GRID2: variants seen among roughly 807,000 people sequenced by gnomAD.
GRID2 encodes the protein glutamate receptor ionotropic, delta-2.
A neutral mutation model predicts 114.8 loss-of-function variants in GRID2; 33 were observed. The ratio of observed to expected loss-of-function variants is 0.29; its 90% confidence interval spans 0.22 to 0.38. GRID2 has a LOEUF of 0.38. Among genes scored for constraint, GRID2 ranks in the 10% least tolerant of loss-of-function variants. GRID2 has a pLI of 1.00. For synonymous variants in GRID2, 505 were observed against 449.9 expected (o/e 1.12, Z -1.55); for missense variants, 1,184 against 1,257.7 (o/e 0.94, Z 0.89).
At position 93,044,521 on chromosome 4, in the gene GRID2, T is replaced by G. The variant is rs574039742; in HGVS notation, c.245-40474T>G. ...ATTTATAAGGAATAAATGTTCAAAT[T>G]GATCTGCAGTAAAGTTAAAGTGATA... On this transcript the variant is annotated intron_variant, in intron 2 of 15. Coordinates refer to ENST00000282020, the MANE Select transcript of GRID2 (RefSeq NM_001510.4). Among the ~76,000 whole-genome samples, 3 of 152,258 alleles carry G rather than the reference T, an allele frequency of 2.0e-5. No individual in the cohort carries two copies. The South Asian group carries it at 6.2e-4, about 32-fold the overall frequency.
intron 1 of GRID2, among the ~76,000 whole-genome samples, chr4:92,479,528 A>G (rs768258075): frequency 6.6e-6 from 1 of 152,152 alleles, no homozygotes; most frequent in Non-Finnish European, 1.5e-5. Flanking sequence ...GCACTTACAT[A>G]TTATTAGATT....
intron 1 of GRID2, among the ~76,000 whole-genome samples, chr4:92,453,829 A>C (rs1721072602): frequency 6.6e-6 from 1 of 152,178 alleles, no homozygotes; most frequent in Admixed American, 6.5e-5. Flanking sequence ...TTTTAAATAT[A>C]ATGTATAACT....
chr4:93,315,113 T>C (rs1756448394), intron 8 of GRID2, among the ~76,000 whole-genome samples: 1 of 152,050 alleles, frequency 6.6e-6, no homozygotes, highest in African/African-American at 2.4e-5. Flanking sequence ...AGAGAGAGCA[T>C]GTAAGTATGC....
intron 2 of GRID2, among the ~76,000 whole-genome samples, chr4:92,858,152 C>T (rs919128969): frequency 6.6e-6 from 1 of 152,174 alleles, no homozygotes; most frequent in African/African-American, 2.4e-5. Context: ...TATGAGGAGA[C>T]TTATGTTGTC....
chr4:93,680,088 A>G (rs1725358053), intron 14 of GRID2, among the ~76,000 whole-genome samples: 2 of 151,408 alleles, frequency 1.3e-5, no homozygotes, highest in Admixed American at 1.3e-4. Context: ...AAAAATGATA[A>G]AGGGGATATC....
At chr4:92,780,592 C>CT (rs1369844775) in intron 2 of GRID2, among the ~76,000 whole-genome samples, 1 of 151,960 alleles carries the variant, frequency 6.6e-6, no homozygotes, top group African/African-American at 2.4e-5. Context: ...GGCAAGGATC[C>CT]TTTTATGCCT....
chr4:93,421,431 A>G (rs1210806515), intron 9 of GRID2, among the ~76,000 whole-genome samples: 1 of 152,210 alleles, frequency 6.6e-6, no homozygotes, highest in Non-Finnish European at 1.5e-5. Flanking sequence ...CTCTAAGATA[A>G]CATATAAACA....
intron 14 of GRID2, among the ~76,000 whole-genome samples, chr4:93,707,933 T>A (rs1728151603): frequency 6.6e-6 from 1 of 152,014 alleles, no homozygotes; most frequent in Non-Finnish European, 1.5e-5. Flanking sequence ...TCCTTCTTAA[T>A]GTCTTCATTG....
At chr4:92,505,820 T>C (rs1310297351) in intron 1 of GRID2, among the ~76,000 whole-genome samples, 1 of 152,028 alleles carries the variant, frequency 6.6e-6, no homozygotes, top group Non-Finnish European at 1.5e-5. Context: ...TTTATATTGA[T>C]ATACACTTCT....
intron 1 of GRID2, among the ~76,000 whole-genome samples, chr4:92,385,425 A>G (rs1374063636): frequency 6.6e-6 from 1 of 151,828 alleles, no homozygotes; most frequent in African/African-American, 2.4e-5. Flanking sequence ...ACTGGAATTT[A>G]TTAAAAAAAT....
At chr4:92,773,452 A>G (rs1738631089) in intron 2 of GRID2, among the ~76,000 whole-genome samples, 1 of 152,206 alleles carries the variant, frequency 6.6e-6, no homozygotes, top group South Asian at 2.1e-4. Context: ...AATGATAAAC[A>G]GCTCTATAAA....
chr4:93,647,369 C>T lies in GRID2; in HGVS notation c.2360+20934C>T, dbSNP rs181999941. ...TGATAGAATGGGCTCCATGATTGCT[C>T]AATTCAGAGGTTCAACAGGACAATG... On this transcript the variant is annotated intron_variant, in intron 14 of 15. Coordinates refer to ENST00000282020, the MANE Select transcript of GRID2 (RefSeq NM_001510.4). Among the ~76,000 whole-genome samples the T allele has an allele frequency of 7.0e-4, 107 of 152,260 alleles. 2 individuals carry two copies. The highest frequency in any genetic ancestry group is 1.0e-3 in the Non-Finnish European group (70 of 68,006).
At chr4:92,984,498 T>C (rs997178460) in intron 2 of GRID2, among the ~76,000 whole-genome samples, 2 of 152,234 alleles carry the variant, frequency 1.3e-5, no homozygotes, top group African/African-American at 4.8e-5. Context: ...GTACAGTTGC[T>C]CCATCATTTG....
intron 14 of GRID2, among the ~76,000 whole-genome samples, chr4:93,702,966 C>G (rs1727639616): frequency 6.6e-6 from 1 of 151,792 alleles, no homozygotes; most frequent in South Asian, 2.1e-4. Flanking sequence ...ATACAGAGAT[C>G]AAGGAAAACT....
chr4:93,128,062 A>AAAAAAAAG, intron 4 of GRID2, among the ~76,000 whole-genome samples: 1 of 134,766 alleles, frequency 7.4e-6, no homozygotes, highest in Non-Finnish European at 1.6e-5. Context: ...AAAAAAAACA[A>AAAAAAAAG]CAGTACGTGC....
At chr4:92,579,543 A>G (rs1728072712) in intron 1 of GRID2, among the ~76,000 whole-genome samples, 1 of 151,978 alleles carries the variant, frequency 6.6e-6, no homozygotes, top group South Asian at 2.1e-4. Flanking sequence ...TACAGTTTAT[A>G]TAGGATAAAA....
intron 15 of GRID2, 54 bp from the exon 16 acceptor site, chr4:93,772,022 A>T (rs1734149258): frequency 2.0e-6 from 2 of 1,024,522 alleles, no homozygotes; most frequent in Middle Eastern, 4.3e-4. Flanking sequence ...TTTTTTTTTT[A>T]ACCATCAAAG....
chr4:93,496,822 T>A (rs1580248728), intron 12 of GRID2, among the ~76,000 whole-genome samples: 1 of 151,898 alleles, frequency 6.6e-6, no homozygotes, highest in Non-Finnish European at 1.5e-5. Flanking sequence ...CTATTACATA[T>A]AAAGCTTCTA....
At chr4:93,748,340 C>A (rs567546779) in intron 14 of GRID2, among the ~76,000 whole-genome samples, 2 of 152,110 alleles carry the variant, frequency 1.3e-5, no homozygotes, top group Admixed American at 6.5e-5. Flanking sequence ...CAGTTAATTT[C>A]TTTGGTTTTT....
Sources: gnomAD v4.1 joint callset for allele counts (sites outside exome capture counted in the v4.1 genomes callset) on GRCh38, gnomAD v4.1.1 for gene constraint, MANE v1.5 for transcripts, NCBI Gene and HGNC (gene_info 2026-07-23, HGNC 2026-07-21) for gene names.